IQCE: variants seen among roughly 807,000 people sequenced by gnomAD.
IQCE encodes the protein IQ motif containing E.
IQCE carries 115 observed loss-of-function variants against 96.0 expected under a neutral mutation model. The observed-to-expected ratio is 1.20, with a 90% CI of 1.03 to 1.40. The LOEUF (loss-of-function observed/expected upper bound fraction) is 1.40, where lower values mean the gene tolerates loss of function less well. IQCE is among the 40% of genes most tolerant of loss of function. The pLI, the probability that IQCE is intolerant of heterozygous loss-of-function variation, is 0.00. For synonymous variants in IQCE, 412 were observed against 371.2 expected, an observed-to-expected ratio of 1.11 and a Z score of -1.26; for missense variants, 1,041 against 909.1, an observed-to-expected ratio of 1.15 and a Z score of -1.87.
At chr7:2,579,473 T>C (rs1386950412) in intron 8 of IQCE, among the ~76,000 whole-genome samples, 1 of 152,090 alleles carries the variant, frequency 6.6e-6, no homozygotes, top group Non-Finnish European at 1.5e-5. Context: ...AGTTTTCTGT[T>C]TAGAAAATAC....
Position 2,589,476 on chromosome 7 carries a change from G to A in IQCE, c.1045-431G>A, listed in dbSNP as rs575610784. On this transcript the variant is annotated intron_variant, in intron 13 of 21. Coordinates refer to ENST00000402050, the MANE Select transcript of IQCE (RefSeq NM_152558.5). The stretch of plus-strand genomic sequence containing the variant: ...ACAGTGGGCAGCACGTCCAAGATCC[G>A]GGAGAGGCAGGAGTGGAGGGCGGGG... 3.9e-5 allele frequency among the ~76,000 whole-genome samples: 6 copies of A among 152,302 alleles called. No individual in the cohort carries two copies. In the South Asian group the frequency reaches 8.3e-4, roughly 21 times the overall value.
At chr7:2,609,449 C>T (rs767534828) in intron 21 of IQCE, among the ~76,000 whole-genome samples, 17 of 152,064 alleles carry the variant, frequency 1.1e-4, no homozygotes, top group Non-Finnish European at 1.9e-4. Flanking sequence ...CCAGCAGAAA[C>T]GCTCCTACAC....
chr7:2,586,078 TACTC>T (rs1229178703), intron 11 of IQCE, 126 bp from the exon 12 acceptor site: 10 of 774,026 alleles, frequency 1.3e-5, no homozygotes, highest in South Asian at 5.7e-5. Flanking sequence ...CGATTTCAAA[TACTC>T]ACCTGCAAAA....
chr7:2,588,715 A>C (rs1467368411), intron 13 of IQCE, among the ~76,000 whole-genome samples: 1 of 121,796 alleles, frequency 8.2e-6, no homozygotes, highest in African/African-American at 3.3e-5. Flanking sequence ...CCCAGGCTGC[A>C]GTGCAGTGGC....
chr7:2,585,924 C>A (rs372481026), intron 11 of IQCE, among the ~76,000 whole-genome samples: 28 of 152,166 alleles, frequency 1.8e-4, no homozygotes, highest in African/African-American at 6.8e-4. Context: ...CTTTCCACAG[C>A]CCTTCTAGTG....
At chr7:2,585,404 A>G (rs947132192) in intron 11 of IQCE, among the ~76,000 whole-genome samples, 1 of 152,150 alleles carries the variant, frequency 6.6e-6, no homozygotes, top group Non-Finnish European at 1.5e-5. Context: ...GTTTAAAGAC[A>G]CCCTGTTTAA....
intron 12 of IQCE, among the ~76,000 whole-genome samples, chr7:2,586,812 C>T (rs973657293): frequency 3.9e-5 from 6 of 152,086 alleles, no homozygotes; most frequent in East Asian, 3.9e-4. Context: ...GTGGGACAGG[C>T]GGGGCAGAGC....
At chr7:2,608,435 A>G (rs1055794131) in intron 21 of IQCE, among the ~76,000 whole-genome samples, 5 of 152,258 alleles carry the variant, frequency 3.3e-5, no homozygotes, top group Non-Finnish European at 5.9e-5. Context: ...GTATGAAATC[A>G]CATTTTATTT....
intron 14 of IQCE, among the ~76,000 whole-genome samples, chr7:2,590,947 T>C (rs1385686521): frequency 6.6e-6 from 1 of 151,538 alleles, no homozygotes; most frequent in African/African-American, 2.4e-5. Flanking sequence ...TATTAATACG[T>C]AGGAAATAAA....
In IQCE at chr7:2,601,474, G is replaced by T; in HGVS notation, c.1632+10G>T. 6.3e-7 allele frequency: 1 copy of T among 1,581,312 alleles called. No individual in the cohort carries two copies. The highest frequency in any genetic ancestry group is 2.2e-5 in the East Asian group (1 of 44,686). On this transcript the variant is annotated intron_variant, in intron 18 of 21. Transcript: ENST00000402050. ...GGCTGTTCTGGATGAGGTAAGCGAG[G>T]TTTATTTCTTGTTTCAAAATTCGGA...
At chr7:2,578,379 CG>C (rs1562638034) in intron 7 of IQCE, 24 bp downstream of exon 7, 1 of 1,611,424 alleles carries the variant, frequency 6.2e-7, no homozygotes, top group South Asian at 1.1e-5. Flanking sequence ...GCTTCACGGA[CG>C]GGGCAAGGGG....
intron 8 of IQCE, among the ~76,000 whole-genome samples, 177 bp downstream of exon 8, chr7:2,578,703 A>G (rs193110898): frequency 6.6e-6 from 1 of 152,170 alleles, no homozygotes; most frequent in Non-Finnish European, 1.5e-5. Flanking sequence ...GAGGGGGGCC[A>G]GCAGGCTCAC....
chr7:2,578,154 CGTGTGCGTGGCTGTGTGCGCGGGGACGT>C lies in IQCE; in HGVS notation c.466-80_466-53del. 9 of 984,168 alleles carry C rather than the reference CGTGTGCGTGGCTGTGTGCGCGGGGACGT, an allele frequency of 9.1e-6. No individual in the cohort carries two copies. The South Asian group carries it at 1.2e-4, about 13-fold the overall frequency. The allele number at this position is 984,168 out of a possible 1,614,324, so 61.0% of individuals were successfully genotyped here. On this transcript the variant is annotated intron_variant, in intron 6 of 21. Transcript: ENST00000402050. ...CGTGTGTGCGGCGTGCCCGCATTGG[CGTGTGCGTGGCTGTGTGCGCGGGGACGT>C]GTGTGCGGCGTGTGCGCAGCTTCGT...
Position 2,605,979 on chromosome 7 carries a change from T to G in IQCE, c.1847T>G (p.Leu616Arg). 1 of 1,609,324 alleles carries G rather than the reference T, an allele frequency of 6.2e-7. No homozygotes were observed. Among genetic ancestry groups the G allele is most frequent in the Non-Finnish European group, 8.5e-7 (1 of 1,178,546 alleles). ...ATCCAGTCCGCTCTGCGGGCACACC[T>G]GGCCCGGGCCAGGCACAGGTGAGTC... is the stretch of plus-strand genomic sequence containing the variant. ...VIIQSALRAH[L>R]ARARHSATGK... The change falls in exon 20 of 22, where the codon CTG becomes CGG. Residue 616 changes from leucine to arginine, a missense_variant. Coordinates refer to ENST00000402050, the MANE Select transcript of IQCE (RefSeq NM_152558.5).
Position 2,586,059 on chromosome 7 carries a change from C to T in IQCE, c.825-149C>T, listed in dbSNP as rs1783082064. ...GCTTATTTAGAGTTCAAAGTTATTA[C>T]TGCCTATTCGATTTCAAATACTCAC... On this transcript the variant is annotated intron_variant, in intron 11 of 21. Transcript: ENST00000402050. The T allele has an allele frequency of 6.1e-6, 4 of 654,082 alleles. No homozygotes were observed. In the East Asian group the frequency reaches 8.4e-5, roughly 14 times the overall value. 40.5% of individuals were successfully genotyped at this position (654,082 alleles called of 1,614,324 possible).
In IQCE at chr7:2,586,242, C is replaced by G; in HGVS notation, c.859C>G (p.Gln287Glu). ...GGAGAAGAAGACGGGCGCCAAAAGG[C>G]AGAAGAAGATGGGCAGTGCCCTCCT... ...LGEKKTGAKR[Q>E]KKMGSALLSL... Residue 287 changes from glutamine (Q) to glutamate (E), a missense_variant, in exon 12 of 22, where the codon CAG becomes GAG. Gln to Glu is a conservative substitution (Grantham distance 29, BLOSUM62 2). Transcript: ENST00000402050. The G allele has an allele frequency of 6.2e-7, 1 of 1,613,932 alleles. No individual in the cohort carries two copies. The highest frequency in any genetic ancestry group is 1.1e-5 in the South Asian group (1 of 91,072).
In IQCE at chr7:2,606,007, G is replaced by A; in HGVS notation, c.1865+10G>A. On this transcript the variant is annotated intron_variant, in intron 20 of 21. Coordinates refer to ENST00000402050, the MANE Select transcript of IQCE (RefSeq NM_152558.5). ...CCCGGGCCAGGCACAGGTGAGTCAG[G>A]GTCACGGGGACGTGGGACACAGACA... The A allele has an allele frequency of 1.9e-6, 3 of 1,604,160 alleles. No homozygotes were observed. The highest frequency in any genetic ancestry group is 2.6e-6 in the Non-Finnish European group (3 of 1,176,460).
chr7:2,567,062 G>T, intron 1 of IQCE, 54 bp from the exon 2 acceptor site: 2 of 1,505,648 alleles, frequency 1.3e-6, no homozygotes, highest in Middle Eastern at 1.7e-4. Context: ...AAACGTGATG[G>T]TCGGAAGCCC....
chr7:2,572,849 C>T, intron 5 of IQCE: 1 of 414,602 alleles, frequency 2.4e-6, no homozygotes, highest in South Asian at 1.8e-5. Flanking sequence ...CGGCCTCTCT[C>T]TTTATCCACG....
Sources: gnomAD v4.1 joint callset for allele counts (sites outside exome capture counted in the v4.1 genomes callset) on GRCh38, gnomAD v4.1.1 for gene constraint, MANE v1.5 for transcripts, NCBI Gene and HGNC (gene_info 2026-07-23, HGNC 2026-07-21) for gene names.